CECR2: variants seen among roughly 807,000 people sequenced by gnomAD.
CECR2 encodes the protein chromatin remodeling regulator CECR2.
A neutral mutation model predicts 154.5 loss-of-function variants in CECR2; 30 were observed. That is an observed-to-expected ratio of 0.19 (90% CI 0.15 to 0.26). The LOEUF is 0.26. CECR2 is among the 10% of genes least tolerant of loss of function. The pLI, the probability that CECR2 is intolerant of heterozygous loss-of-function variation, is 1.00. For missense variants in CECR2, 1,743 were observed against 1,829.3 expected, an observed-to-expected ratio of 0.95 and a Z score of 0.86; for synonymous variants, 725 against 683.7, an observed-to-expected ratio of 1.06 and a Z score of -0.94.
chr22:17,410,145 C>T (rs1226302164), intron 1 of CECR2, among the ~76,000 whole-genome samples: 1 of 151,790 alleles, frequency 6.6e-6, no homozygotes, highest in Non-Finnish European at 1.5e-5. Flanking sequence ...CCACACCCAG[C>T]TAGTTTTTGT....
At chr22:17,465,128 C>G (rs1439533586) in intron 1 of CECR2, among the ~76,000 whole-genome samples, 1 of 151,628 alleles carries the variant, frequency 6.6e-6, no homozygotes, top group East Asian at 2.0e-4. Flanking sequence ...TCCCGAGCAG[C>G]TGGGACTACA....
At chr22:17,411,586 G>T (rs2054068751) in intron 1 of CECR2, among the ~76,000 whole-genome samples, 1 of 152,216 alleles carries the variant, frequency 6.6e-6, no homozygotes, top group South Asian at 2.1e-4. Flanking sequence ...GGGTTAGGCA[G>T]ATCCTTAATA....
At chr22:17,375,468 T>C (rs774284267) in intron 1 of CECR2, among the ~76,000 whole-genome samples, 1 of 152,166 alleles carries the variant, frequency 6.6e-6, no homozygotes, top group South Asian at 2.1e-4. Context: ...GGTGCCGATA[T>C]GGTTGTGAAC....
intron 1 of CECR2, among the ~76,000 whole-genome samples, chr22:17,411,812 T>C (rs1197592704): frequency 6.6e-6 from 1 of 152,256 alleles, no homozygotes; most frequent in Non-Finnish European, 1.5e-5. Context: ...CCTATGTATA[T>C]ATACAGATAC....
intron 1 of CECR2, among the ~76,000 whole-genome samples, chr22:17,441,063 C>T (rs569874643): frequency 1.3e-5 from 2 of 152,156 alleles, no homozygotes; most frequent in South Asian, 2.1e-4. Context: ...ATTGTCCTGC[C>T]ACAGCCTCCA....
rs200681984 is a variant in CECR2 at position 17,542,558 on chromosome 22, C to G, written c.2415C>G (p.Leu805=). 3.1e-6 allele frequency: 5 copies of G among 1,614,002 alleles called. 1 individual carries two copies. The South Asian group carries it at 4.4e-5, about 14-fold the overall frequency. The stretch of plus-strand genomic sequence containing the variant: ...GACCCTCTCACCAGCCTCGCACTCT[C>G]GGTCACGTGATGGATTCCCGAGTCA... The part of the protein sequence containing the change: ...GPGPSHQPRT[L]GHVMDSRVMR... The change falls in exon 16 of 19, where the codon CTC becomes CTG. Residue 805 remains leucine (L), a synonymous_variant. Transcript: ENST00000262608.
intron 18 of CECR2, 62 bp from the exon 19 acceptor site, chr22:17,552,773 A>AGTTTTTTTT (rs2056727346): frequency 2.5e-6 from 1 of 395,766 alleles, no homozygotes; most frequent in African/African-American, 6.6e-5. Context: ...GGCTTACTTA[A>AGTTTTTTTT]GTTTTTTTTT....
chr22:17,499,324 G>A (rs1286274336), intron 3 of CECR2, 86 bp from the exon 4 acceptor site: 8 of 1,486,438 alleles, frequency 5.4e-6, no homozygotes, highest in South Asian at 2.5e-5. Flanking sequence ...TTATGCTTAC[G>A]TGTAAATTTG....
intron 17 of CECR2, among the ~76,000 whole-genome samples, chr22:17,550,815 A>G (rs1005227908): frequency 5.3e-5 from 8 of 152,108 alleles, no homozygotes; most frequent in African/African-American, 9.6e-5. Flanking sequence ...GGTGGTGGGC[A>G]CCTGTAGTCC....
At chr22:17,453,967 T>G (rs2054812777) in intron 1 of CECR2, among the ~76,000 whole-genome samples, 2 of 152,194 alleles carry the variant, frequency 1.3e-5, no homozygotes, top group South Asian at 4.1e-4. Flanking sequence ...GAGTTTGTGT[T>G]AAGAATGGTT....
At chr22:17,451,279 A>G (rs946049387) in intron 1 of CECR2, among the ~76,000 whole-genome samples, 6 of 152,206 alleles carry the variant, frequency 3.9e-5, no homozygotes, top group African/African-American at 1.2e-4. Flanking sequence ...AAAGGGAGAC[A>G]GGGAGTGGGA....
intron 8 of CECR2, among the ~76,000 whole-genome samples, chr22:17,513,978 AAAAG>A (rs1334196211): frequency 6.6e-6 from 1 of 152,222 alleles, no homozygotes; most frequent in Non-Finnish European, 1.5e-5. Context: ...AGTTCGAACA[AAAAG>A]AAACCACAGT....
intron 6 of CECR2, among the ~76,000 whole-genome samples, chr22:17,504,047 T>TAAATAAATAAAA (rs2055788469): frequency 2.6e-5 from 1 of 38,706 alleles, no homozygotes; most frequent in Non-Finnish European, 5.6e-5. Context: ...ACTCTGCCTC[T>TAAATAAATAAAA]AAATAAATAA....
chr22:17,531,472 A>T (rs146667090), intron 9 of CECR2, among the ~76,000 whole-genome samples: 3 of 152,322 alleles, frequency 2.0e-5, no homozygotes, highest in Admixed American at 2.0e-4. Context: ...CAGAGAAGGG[A>T]GTTGTATGTG....
chr22:17,466,152 A>G (rs904372976), intron 1 of CECR2, among the ~76,000 whole-genome samples: 4 of 151,430 alleles, frequency 2.6e-5, no homozygotes, highest in Admixed American at 6.6e-5. Context: ...GGGTTTCGCT[A>G]TGTTGGCCAG....
chr22:17,472,183 T>C (rs953078003), intron 1 of CECR2, among the ~76,000 whole-genome samples: 4 of 152,234 alleles, frequency 2.6e-5, no homozygotes, highest in Non-Finnish European at 4.4e-5. Flanking sequence ...GAAAGTGTTA[T>C]GTAGCTGGTT....
intron 1 of CECR2, among the ~76,000 whole-genome samples, chr22:17,438,325 A>G (rs1601357283): frequency 6.6e-6 from 1 of 151,066 alleles, no homozygotes. Flanking sequence ...TTAGTGGGGA[A>G]AATGTTTTCC....
intron 1 of CECR2, among the ~76,000 whole-genome samples, chr22:17,470,562 A>G (rs964651262): frequency 1.3e-5 from 2 of 152,148 alleles, no homozygotes; most frequent in African/African-American, 4.8e-5. Context: ...CCATCCCCCT[A>G]CCTTTTATCT....
chr22:17,412,892 A>G (rs2054088353), intron 1 of CECR2, among the ~76,000 whole-genome samples: 1 of 152,056 alleles, frequency 6.6e-6, no homozygotes, highest in Non-Finnish European at 1.5e-5. Flanking sequence ...GTGCCTCCAC[A>G]TTCTGTTCTT....
Sources: allele counts gnomAD v4.1 joint callset (sites outside exome capture counted in the v4.1 genomes callset), GRCh38; gene constraint gnomAD v4.1.1; transcripts MANE v1.5; gene names NCBI Gene and HGNC (gene_info 2026-07-23, HGNC 2026-07-21).